The following INSYN2B variants were observed in gnomAD, a reference collection of about 807,000 sequenced individuals.
The protein encoded by INSYN2B is inhibitory synaptic factor family member 2B.
Under a neutral mutation model 41.2 loss-of-function variants are expected in INSYN2B, and 16 were observed. The observed-to-expected ratio is 0.39, with a 90% CI of 0.26 to 0.59. The LOEUF is 0.59. Ranked by LOEUF, INSYN2B falls within the 20% of genes least tolerant of loss-of-function variation. The pLI, the probability that INSYN2B is intolerant of heterozygous loss-of-function variation, is 0.57. For missense variants in INSYN2B, 608 were observed against 646.4 expected, an observed-to-expected ratio of 0.94 and a Z score of 0.64; for synonymous variants, 245 against 244.4, an observed-to-expected ratio of 1.00 and a Z score of -0.02.
chr5:169,942,894 G>C (rs1393458335), intron 1 of INSYN2B, among the ~76,000 whole-genome samples: 1 of 152,202 alleles, frequency 6.6e-6, no homozygotes, highest in South Asian at 2.1e-4. Context: ...TTCTTACTCA[G>C]CTGAAATAAA....
chr5:169,978,389 G>T (rs1561863646), intron 1 of INSYN2B, among the ~76,000 whole-genome samples: 1 of 57,418 alleles, frequency 1.7e-5, no homozygotes, highest in African/African-American at 6.2e-5. Context: ...GTGTGTGTGT[G>T]TGTGGGGGGG....
In INSYN2B at chr5:169,917,227, G is replaced by A. The variant is rs1008266867; in HGVS notation, c.-918-32411C>T. Among the ~76,000 whole-genome samples the A allele has an allele frequency of 2.6e-5, 4 of 152,184 alleles. No individual in the cohort carries two copies. The East Asian group carries it at 7.7e-4, about 29-fold the overall frequency. ...ACCTCATTCTCAGTCATTCTCACTA[G>A]GGTTGATTCCACAACCACATTATAA... On this transcript the variant is annotated intron_variant, in intron 1 of 3. Transcript: ENST00000377365.
At chr5:169,937,777 G>C (rs1373428785) in intron 1 of INSYN2B, among the ~76,000 whole-genome samples, 1 of 152,198 alleles carries the variant, frequency 6.6e-6, no homozygotes, top group Non-Finnish European at 1.5e-5. Flanking sequence ...GGTCCTGAGG[G>C]TCCTCATTGT....
intron 1 of INSYN2B, among the ~76,000 whole-genome samples, chr5:169,904,643 GC>G (rs2113596224): frequency 1.3e-5 from 2 of 152,262 alleles, no homozygotes; most frequent in East Asian, 3.9e-4. Flanking sequence ...CCTAGTGAGG[GC>G]CCCGCAGTCC....
intron 1 of INSYN2B, among the ~76,000 whole-genome samples, chr5:169,933,372 TG>T (rs1775845662): frequency 6.6e-6 from 1 of 152,180 alleles, no homozygotes. Flanking sequence ...TTCATTAGTT[TG>T]TGAGATGGGC....
At chr5:169,956,567 G>A (rs1446161970) in intron 1 of INSYN2B, among the ~76,000 whole-genome samples, 1 of 152,192 alleles carries the variant, frequency 6.6e-6, no homozygotes, top group Non-Finnish European at 1.5e-5. Context: ...CCTTTTAGAA[G>A]CCTTAAGATG....
chr5:169,873,943 G>A (rs1339843954), intron 3 of INSYN2B, among the ~76,000 whole-genome samples: 1 of 152,116 alleles, frequency 6.6e-6, no homozygotes. Flanking sequence ...TGCATTCCAG[G>A]GAGCCTCCTT....
intron 1 of INSYN2B, among the ~76,000 whole-genome samples, chr5:169,971,287 C>A (rs552619989): frequency 6.6e-6 from 1 of 152,020 alleles, no homozygotes; most frequent in Non-Finnish European, 1.5e-5. Flanking sequence ...AGAGAAGGAG[C>A]CAGCCTGCCG....
At chr5:169,875,286 T>G in intron 3 of INSYN2B, 1 of 456,704 alleles carries the variant, frequency 2.2e-6, no homozygotes, top group South Asian at 1.5e-5. Context: ...TCAGTGGCTT[T>G]GGGGCTGAAA....
chr5:169,939,728 T>C (rs891712727), intron 1 of INSYN2B, among the ~76,000 whole-genome samples: 3 of 152,202 alleles, frequency 2.0e-5, no homozygotes, highest in African/African-American at 7.2e-5. Context: ...TATGTTTTCA[T>C]ATAAAATTAA....
chr5:169,954,854 C>G (rs1274225238), intron 1 of INSYN2B, among the ~76,000 whole-genome samples: 1 of 152,210 alleles, frequency 6.6e-6, no homozygotes, highest in East Asian at 1.9e-4. Context: ...GTGTGTAACC[C>G]AATGACCAAA....
Position 169,863,322 on chromosome 5 carries a change from G to A in INSYN2B, c.*951C>T, listed in dbSNP as rs1427059847. On this transcript the variant is annotated 3_prime_UTR_variant, in exon 4 of 4. Transcript: ENST00000377365. Reference sequence around the variant, plus strand: ...GAACCTATCTACACGGCTGTTTCTGGGATGAAGGGATGAGAAACAGTGTTG... The same window carrying A: ...GAACCTATCTACACGGCTGTTTCTGAGATGAAGGGATGAGAAACAGTGTTG... Among the ~76,000 whole-genome samples the A allele has an allele frequency of 2.0e-5, 3 of 152,202 alleles. No individual in the cohort carries two copies. The highest frequency in any genetic ancestry group is 7.2e-5 in the African/African-American group (3 of 41,450).
At chr5:169,887,769 C>T (rs2113526652) in intron 1 of INSYN2B, among the ~76,000 whole-genome samples, 1 of 152,246 alleles carries the variant, frequency 6.6e-6, no homozygotes, top group Admixed American at 6.5e-5. Flanking sequence ...GTCAAAGTAG[C>T]TGTGCATTTT....
At chr5:169,876,863 T>A (rs1326315263) in intron 3 of INSYN2B, among the ~76,000 whole-genome samples, 1 of 152,206 alleles carries the variant, frequency 6.6e-6, no homozygotes, top group African/African-American at 2.4e-5. Context: ...CCTCTCCTAG[T>A]TAATAGAGTC....
intron 1 of INSYN2B, among the ~76,000 whole-genome samples, chr5:169,889,418 T>G (rs1456925437): frequency 1.3e-5 from 2 of 152,214 alleles, no homozygotes; most frequent in East Asian, 1.9e-4. Flanking sequence ...GAAAAAGACC[T>G]GATCCCTATT....
At position 169,867,565 on chromosome 5, in the gene INSYN2B, TATCTATC is replaced by T. The variant is rs750071495; in HGVS notation, c.1422-3113_1422-3107del. On this transcript the variant is annotated intron_variant, in intron 3 of 3. Transcript: ENST00000377365. ...GTATCTATCATCTATCAGTATCTAT[TATCTATC>T]ATCTATCTGTCATCTATCGTTATCT... 2.3e-4 allele frequency among the ~76,000 whole-genome samples: 35 copies of T among 152,150 alleles called. No homozygotes were observed. The South Asian group carries it at 6.0e-3, about 26-fold the overall frequency.
chr5:169,931,453 C>T (rs1050693047), intron 1 of INSYN2B, among the ~76,000 whole-genome samples: 1 of 152,246 alleles, frequency 6.6e-6, no homozygotes, highest in African/African-American at 2.4e-5. Flanking sequence ...CTCTTTCCAC[C>T]TATCCAAGTG....
intron 1 of INSYN2B, among the ~76,000 whole-genome samples, chr5:169,938,910 C>CTTT (rs60068204): frequency 9.8e-4 from 139 of 141,224 alleles, no homozygotes; most frequent in East Asian, 1.8e-3. Flanking sequence ...TTTTTCTTTT[C>CTTT]TTTTTTTTTT....
intron 3 of INSYN2B, among the ~76,000 whole-genome samples, chr5:169,874,532 A>G (rs1772198326): frequency 6.6e-6 from 1 of 151,928 alleles, no homozygotes; most frequent in Non-Finnish European, 1.5e-5. Flanking sequence ...CTTGGTTCCC[A>G]AGCAAGGGGT....
Sources: allele counts gnomAD v4.1 joint callset (sites outside exome capture counted in the v4.1 genomes callset), GRCh38; gene constraint gnomAD v4.1.1; transcripts MANE v1.5; gene names NCBI Gene and HGNC (gene_info 2026-07-23, HGNC 2026-07-21).